HECW2: variants seen among roughly 807,000 people sequenced by gnomAD.
HECW2 encodes HECT, C2 and WW domain containing E3 ubiquitin protein ligase 2.
In HECW2, 61 loss-of-function variants were observed where a neutral mutation model predicts 175.2. That is an observed-to-expected ratio of 0.35 (90% CI 0.28 to 0.43). The LOEUF is 0.43. Ranked by LOEUF, HECW2 falls within the 20% of genes least tolerant of loss-of-function variation. The pLI, the probability that HECW2 is intolerant of heterozygous loss-of-function variation, is 1.00. For synonymous variants in HECW2, 671 were observed against 731.0 expected (o/e 0.92, Z 1.32); for missense variants, 1,524 against 2,000.5 (o/e 0.76, Z 4.54).
intron 2 of HECW2, among the ~76,000 whole-genome samples, chr2:196,358,786 T>C (rs905458423): frequency 6.6e-6 from 1 of 152,184 alleles, no homozygotes; most frequent in African/African-American, 2.4e-5. Flanking sequence ...TTATGTTTCT[T>C]GAAACTCTGC....
chr2:196,521,723 A>ATATGCAG lies in HECW2; in HGVS notation c.-36+71778_-36+71784dup, dbSNP rs1223844934. 1.2e-4 allele frequency among the ~76,000 whole-genome samples: 18 copies of ATATGCAG among 147,862 alleles called. No individual in the cohort carries two copies. In the South Asian group the frequency reaches 3.9e-3, roughly 32 times the overall value. On this transcript the variant is annotated intron_variant, in intron 1 of 28. Coordinates refer to ENST00000644978, the MANE Select transcript of HECW2 (RefSeq NM_001348768.2). ...GTTCAATTCCCACCTATGAGTGAGA[A>ATATGCAG]TATGCAGTGTTTGGTTTTTTGTTCT...
At chr2:196,223,776 C>A (rs1687753054) in intron 23 of HECW2, among the ~76,000 whole-genome samples, 1 of 152,040 alleles carries the variant, frequency 6.6e-6, no homozygotes, top group African/African-American at 2.4e-5. Context: ...AGGGTAGAGA[C>A]CAATGAATAG....
chr2:196,287,663 A>T (rs1326401589), intron 14 of HECW2, among the ~76,000 whole-genome samples: 1 of 152,188 alleles, frequency 6.6e-6, no homozygotes, highest in African/African-American at 2.4e-5. Flanking sequence ...GCATTCTCTC[A>T]GTTTGACTCT....
intron 13 of HECW2, among the ~76,000 whole-genome samples, chr2:196,300,703 T>TATATATATACACAG (rs1222309644): frequency 2.6e-5 from 4 of 152,150 alleles, no homozygotes; most frequent in Non-Finnish European, 2.9e-5. Context: ...TCTATACACA[T>TATATATATACACAG]ATATACATAT....
intron 1 of HECW2, among the ~76,000 whole-genome samples, chr2:196,492,435 C>T (rs1456049753): frequency 6.6e-6 from 1 of 152,182 alleles, no homozygotes; most frequent in Non-Finnish European, 1.5e-5. Flanking sequence ...TGTGGAATGC[C>T]CAAACCTGCA....
At chr2:196,219,542 ACTT>A (rs1277343225) in intron 26 of HECW2, among the ~76,000 whole-genome samples, 4 of 152,182 alleles carry the variant, frequency 2.6e-5, no homozygotes, top group Non-Finnish European at 4.4e-5. Flanking sequence ...TGAATTTAGA[ACTT>A]CTCCAATAAT....
At chr2:196,588,731 T>C (rs1575703872) in intron 1 of HECW2, among the ~76,000 whole-genome samples, 1 of 152,204 alleles carries the variant, frequency 6.6e-6, no homozygotes, top group Admixed American at 6.5e-5. Context: ...ATGGATATAA[T>C]ACATATACAA....
At chr2:196,323,901 TTTTTTTG>T (rs1265192480) in intron 6 of HECW2, among the ~76,000 whole-genome samples, 2 of 119,986 alleles carry the variant, frequency 1.7e-5, no homozygotes, top group African/African-American at 8.0e-5. Flanking sequence ...CCTTAAGAGT[TTTTTTTG>T]TTTTTTGTTT....
chr2:196,353,322 C>G (rs1693240223), intron 2 of HECW2, among the ~76,000 whole-genome samples: 1 of 152,206 alleles, frequency 6.6e-6, no homozygotes, highest in Non-Finnish European at 1.5e-5. Flanking sequence ...AAGTCTTCCT[C>G]CAGCATTCCC....
intron 10 of HECW2, among the ~76,000 whole-genome samples, chr2:196,311,009 T>C (rs1691477139): frequency 6.6e-6 from 1 of 152,230 alleles, no homozygotes; most frequent in South Asian, 2.1e-4. Flanking sequence ...AAGAACCTAG[T>C]AACATTTTAT....
chr2:196,360,954 C>T (rs981972681), intron 2 of HECW2, among the ~76,000 whole-genome samples: 2 of 152,132 alleles, frequency 1.3e-5, no homozygotes, highest in African/African-American at 4.8e-5. Context: ...CAATACATTG[C>T]AGAAACATTA....
intron 3 of HECW2, among the ~76,000 whole-genome samples, chr2:196,335,814 G>A (rs967568817): frequency 6.6e-6 from 1 of 152,112 alleles, no homozygotes; most frequent in Admixed American, 6.5e-5. Flanking sequence ...TTTTTACTAC[G>A]TACCTGCCAC....
intron 28 of HECW2, 64 bp from the exon 29 acceptor site, chr2:196,201,452 GTGTGTGTGT>G: frequency 1.1e-6 from 1 of 924,312 alleles, no homozygotes. Context: ...TGTGTGTGGT[GTGTGTGTGT>G]GTGTGTGTCT....
At chr2:196,287,367 T>A (rs1360366473) in intron 14 of HECW2, among the ~76,000 whole-genome samples, 1 of 152,196 alleles carries the variant, frequency 6.6e-6, no homozygotes, top group African/African-American at 2.4e-5. Context: ...TTTTATTTTT[T>A]AAAATCTCAT....
intron 1 of HECW2, among the ~76,000 whole-genome samples, chr2:196,513,542 C>G (rs1430359529): frequency 6.6e-6 from 1 of 152,124 alleles, no homozygotes; most frequent in African/African-American, 2.4e-5. Context: ...GCATTTAATA[C>G]CTGTTCAGCA....
intron 2 of HECW2, among the ~76,000 whole-genome samples, chr2:196,351,504 A>G (rs1169675501): frequency 1.3e-5 from 2 of 152,214 alleles, no homozygotes; most frequent in East Asian, 3.8e-4. Context: ...ATAGAAACAA[A>G]AAAAGTATCC....
chr2:196,220,200 A>AT, intron 25 of HECW2, 47 bp from the exon 26 acceptor site: 2 of 1,196,608 alleles, frequency 1.7e-6, no homozygotes, highest in South Asian at 2.4e-5. Flanking sequence ...GCCTGGAGAA[A>AT]TATCAGCTAT....
At chr2:196,506,493 AG>A (rs578178890) in intron 1 of HECW2, among the ~76,000 whole-genome samples, 39 of 152,218 alleles carry the variant, frequency 2.6e-4, no homozygotes, top group African/African-American at 8.9e-4. Context: ...TGGTATACAC[AG>A]GGTTCTTCCC....
chr2:196,403,292 A>T (rs1208195232), intron 2 of HECW2, among the ~76,000 whole-genome samples: 1 of 152,202 alleles, frequency 6.6e-6, no homozygotes, highest in African/African-American at 2.4e-5. Context: ...TGTACAAGAA[A>T]GTATTTAACA....
Sources: gnomAD v4.1 joint callset for allele counts (sites outside exome capture counted in the v4.1 genomes callset) on GRCh38, gnomAD v4.1.1 for gene constraint, MANE v1.5 for transcripts, NCBI Gene and HGNC (gene_info 2026-07-23, HGNC 2026-07-21) for gene names.